The following CCDC60 variants were observed in gnomAD, a reference collection of about 807,000 sequenced individuals.
CCDC60 encodes coiled-coil domain-containing protein 60.
CCDC60 carries 54 observed loss-of-function variants against 63.5 expected under a neutral mutation model. The observed-to-expected ratio is 0.85, with a 90% CI of 0.68 to 1.07. CCDC60 has a LOEUF of 1.07. Among genes scored for constraint, CCDC60 ranks in the 50% least tolerant of loss-of-function variants. The pLI, the probability that CCDC60 is intolerant of heterozygous loss-of-function variation, is 0.00. For missense variants in CCDC60, 651 were observed against 684.3 expected (o/e 0.95, Z 0.54); for synonymous variants, 206 against 238.8 (o/e 0.86, Z 1.27).
chr12:119,495,280 T>A (rs577996654), intron 5 of CCDC60, among the ~76,000 whole-genome samples: 39 of 152,330 alleles, frequency 2.6e-4, no homozygotes, highest in African/African-American at 9.1e-4. Flanking sequence ...GAGAATAATC[T>A]GATGCCCCGC....
intron 1 of CCDC60, among the ~76,000 whole-genome samples, chr12:119,411,578 C>T (rs1156508097): frequency 6.6e-6 from 1 of 151,980 alleles, no homozygotes. Context: ...CATCCAAGAC[C>T]CTTGTGATGG....
chr12:119,521,317 A>G (rs59102789), intron 9 of CCDC60, among the ~76,000 whole-genome samples: 6,895 of 152,190 alleles, frequency 0.045, 469 homozygotes, highest in African/African-American at 0.16. Context: ...GCATTCATGG[A>G]CCCCTTGAAT....
intron 1 of CCDC60, among the ~76,000 whole-genome samples, chr12:119,360,530 T>C (rs1396853822): frequency 1.2e-4 from 16 of 130,280 alleles, no homozygotes; most frequent in Admixed American, 7.6e-4. Flanking sequence ...TCCTCACTTC[T>C]CAGACGGGGC....
rs1004380546 is a variant in CCDC60, at chr12:119,452,386, A to G, written c.171-19608A>G. 3.9e-5 allele frequency among the ~76,000 whole-genome samples: 6 copies of G among 152,318 alleles called. No individual in the cohort carries two copies. In the East Asian group the frequency reaches 9.6e-4, roughly 24 times the overall value. On this transcript the variant is annotated intron_variant, in intron 2 of 13. Coordinates refer to ENST00000327554, the MANE Select transcript of CCDC60 (RefSeq NM_178499.5). ...ATTTTCTGATTTTTTGTCTTTCACAACTACTCAGATAAGACAATATTATCT... is the reference window on the plus strand; with the variant it reads ...ATTTTCTGATTTTTTGTCTTTCACAGCTACTCAGATAAGACAATATTATCT...
chr12:119,445,462 G>C (rs1383511568), intron 2 of CCDC60, among the ~76,000 whole-genome samples: 2 of 101,544 alleles, frequency 2.0e-5, no homozygotes, highest in Non-Finnish European at 4.1e-5. Flanking sequence ...AAAAAGGAAT[G>C]CTCTGAGAAG....
intron 3 of CCDC60, among the ~76,000 whole-genome samples, chr12:119,474,561 G>C (rs772260758): frequency 2.0e-5 from 3 of 152,240 alleles, no homozygotes; most frequent in Non-Finnish European, 4.4e-5. Context: ...AATGGGAAGT[G>C]ACCACATGGG....
chr12:119,428,712 G>T lies in CCDC60; in HGVS notation c.120G>T (p.Lys40Asn). Reference sequence around the variant, plus strand: ...CAGACAAGCCAATGAAGAGCATCAAGTATATGGACAAGGAAATAATAAACC... The same window carrying T: ...CAGACAAGCCAATGAAGAGCATCAATTATATGGACAAGGAAATAATAAACC... Reference protein sequence around the residue: ...QVPDKPMKSIKYMDKEIINLK... With the variant: ...QVPDKPMKSINYMDKEIINLK... Residue 40 changes from lysine to asparagine, a missense_variant, in exon 2 of 14, where the codon AAG becomes AAT. Transcript: ENST00000327554. 3.1e-6 allele frequency: 5 copies of T among 1,607,690 alleles called. No homozygotes were observed.
At chr12:119,371,747 C>T (rs1955899840) in intron 1 of CCDC60, among the ~76,000 whole-genome samples, 2 of 152,192 alleles carry the variant, frequency 1.3e-5, no homozygotes, top group Admixed American at 1.3e-4. Context: ...AGGCTTTTCT[C>T]CGGGCTTCAA....
intron 1 of CCDC60, among the ~76,000 whole-genome samples, chr12:119,358,729 GTTATGT>G (rs2136161925): frequency 6.6e-6 from 1 of 152,278 alleles, no homozygotes; most frequent in South Asian, 2.1e-4. Flanking sequence ...ATTTCACAAT[GTTATGT>G]TTATGGGATT....
chr12:119,435,832 A>G (rs900569432), intron 2 of CCDC60, among the ~76,000 whole-genome samples: 19 of 152,202 alleles, frequency 1.2e-4, no homozygotes, highest in African/African-American at 4.6e-4. Context: ...CCAGCCTCAG[A>G]TGGGCTCCCT....
intron 1 of CCDC60, among the ~76,000 whole-genome samples, chr12:119,409,389 C>G (rs1024918895): frequency 1.3e-5 from 2 of 152,086 alleles, no homozygotes; most frequent in African/African-American, 2.4e-5. Context: ...GCACCACCCC[C>G]CAACCCCCAG....
intron 2 of CCDC60, among the ~76,000 whole-genome samples, chr12:119,444,835 C>T (rs932106230): frequency 2.0e-5 from 3 of 152,180 alleles, no homozygotes; most frequent in African/African-American, 7.2e-5. Flanking sequence ...ATACCTTATC[C>T]CTGCTCGATC....
chr12:119,402,142 A>C (rs113913191), intron 1 of CCDC60, among the ~76,000 whole-genome samples: 1,680 of 152,188 alleles, frequency 0.011, 30 homozygotes, highest in African/African-American at 0.039. Flanking sequence ...CCTGCATGTG[A>C]TGTTGTGTTG....
At chr12:119,524,111 A>G (rs1952611382) in intron 11 of CCDC60, among the ~76,000 whole-genome samples, 1 of 152,192 alleles carries the variant, frequency 6.6e-6, no homozygotes, top group South Asian at 2.1e-4. Flanking sequence ...GACCTCTCTG[A>G]GGAGGTGACT....
Position 119,417,149 on chromosome 12 carries a change from C to T in CCDC60, c.91-11534C>T, listed in dbSNP as rs537444129. 8.5e-5 allele frequency among the ~76,000 whole-genome samples: 13 copies of T among 152,106 alleles called. No homozygotes were observed. In the South Asian group the frequency reaches 2.5e-3, roughly 29 times the overall value. On this transcript the variant is annotated intron_variant, in intron 1 of 13. Coordinates refer to ENST00000327554, the MANE Select transcript of CCDC60 (RefSeq NM_178499.5). ...AAAAGAAAAAAAGAACATTCCCACC[C>T]CTCCCCTCATCAAAGTTTAACTCAG...
At chr12:119,516,766 A>C in intron 8 of CCDC60, 59 bp downstream of exon 8, 1 of 1,189,308 alleles carries the variant, frequency 8.4e-7, no homozygotes, top group Non-Finnish European at 1.2e-6. Flanking sequence ...TCACATTAAC[A>C]GTAGTAGTTG....
chr12:119,479,319 T>C lies in CCDC60; in HGVS notation c.449+118T>C. On this transcript the variant is annotated intron_variant, in intron 4 of 13. Coordinates refer to ENST00000327554, the MANE Select transcript of CCDC60 (RefSeq NM_178499.5). Reference sequence around the variant, plus strand: ...TTCCTTTGTCCTCTTGAAAGGGACATGGAGCCTGGAGCTGGCAAAGCTATT... The same window carrying C: ...TTCCTTTGTCCTCTTGAAAGGGACACGGAGCCTGGAGCTGGCAAAGCTATT... 4 of 660,968 alleles carry C rather than the reference T, an allele frequency of 6.1e-6. No individual in the cohort carries two copies. The Admixed American group carries it at 8.4e-5, about 14-fold the overall frequency. The allele number at this position is 660,968 out of a possible 1,614,324, so 40.9% of individuals were successfully genotyped here. A position where few individuals can be genotyped will look rare whatever the true frequency, so the allele number is the denominator to read the frequency against.
intron 2 of CCDC60, among the ~76,000 whole-genome samples, chr12:119,450,145 G>A (rs1050105373): frequency 6.6e-6 from 1 of 151,742 alleles, no homozygotes; most frequent in South Asian, 2.1e-4. Context: ...ATTATCTTAA[G>A]TGAAATAACT....
At chr12:119,413,167 A>G (rs1330328543) in intron 1 of CCDC60, among the ~76,000 whole-genome samples, 1 of 152,208 alleles carries the variant, frequency 6.6e-6, no homozygotes, top group Non-Finnish European at 1.5e-5. Flanking sequence ...AGAGCTTATG[A>G]GATTAATGCA....
Sources: gnomAD v4.1 joint callset for allele counts (sites outside exome capture counted in the v4.1 genomes callset) on GRCh38, gnomAD v4.1.1 for gene constraint, MANE v1.5 for transcripts, NCBI Gene and HGNC (gene_info 2026-07-23, HGNC 2026-07-21) for gene names.